EXT1: variants seen among roughly 807,000 people sequenced by gnomAD.
EXT1 encodes exostosin glycosyltransferase 1.
Under a neutral mutation model 82.5 loss-of-function variants are expected in EXT1, and 20 were observed. The observed-to-expected ratio is 0.24, with a 90% CI of 0.17 to 0.35. EXT1 has a LOEUF of 0.35. Among genes scored for constraint, EXT1 ranks in the 10% least tolerant of loss-of-function variants. The probability of loss-of-function intolerance (pLI) is 1.00; values close to 1 mark genes in which losing one functional copy is unlikely to be tolerated. For synonymous variants in EXT1, 348 were observed against 350.8 expected, an observed-to-expected ratio of 0.99 and a Z score of 0.09; for missense variants, 757 against 936.5, an observed-to-expected ratio of 0.81 and a Z score of 2.50.
intron 1 of EXT1, among the ~76,000 whole-genome samples, chr8:117,913,398 A>C (rs540497929): frequency 9.4e-4 from 143 of 152,288 alleles, no homozygotes; most frequent in African/African-American, 3.3e-3. Flanking sequence ...AGTTCAGGGT[A>C]TCTCCTTCTG....
intron 1 of EXT1, among the ~76,000 whole-genome samples, chr8:118,065,361 T>A (rs1217421608): frequency 2.6e-5 from 4 of 152,130 alleles, no homozygotes; most frequent in Admixed American, 6.6e-5. Flanking sequence ...AACAAACAGA[T>A]AACATTTCAG....
rs71307420 is a variant in EXT1, at chr8:118,022,326, C to CTTTTTTT, written c.962+87752_962+87758dup. ...ATACTTGGCCGGGCGCATATATATT[C>CTTTTTTT]TTTTTTTTTTTTTTTTTTTTTTTTT... On this transcript the variant is annotated intron_variant, in intron 1 of 10. Coordinates refer to ENST00000378204, the MANE Select transcript of EXT1 (RefSeq NM_000127.3). 1.4e-3 allele frequency among the ~76,000 whole-genome samples: 65 copies of CTTTTTTT among 46,202 alleles called. 8 individuals carry two copies. Among genetic ancestry groups the CTTTTTTT allele is most frequent in the East Asian group, 5.0e-3 (6 of 1,204 alleles). 30.3% of individuals were successfully genotyped at this position (46,202 alleles called of 152,430 possible).
chr8:118,030,153 C>T (rs1816280586), intron 1 of EXT1, among the ~76,000 whole-genome samples: 1 of 151,890 alleles, frequency 6.6e-6, no homozygotes, highest in African/African-American at 2.4e-5. Context: ...CTCTTTCCAC[C>T]ACCCTCAAAT....
intron 1 of EXT1, among the ~76,000 whole-genome samples, chr8:118,107,158 T>C (rs1225848037): frequency 2.0e-5 from 3 of 152,100 alleles, no homozygotes; most frequent in African/African-American, 7.2e-5. Flanking sequence ...TTGTATATAC[T>C]CTATATTTGT....
chr8:118,111,454 T>C lies in EXT1; in HGVS notation c.-408A>G. On this transcript the variant is annotated 5_prime_UTR_variant, in exon 1 of 11. Coordinates refer to ENST00000378204, the MANE Select transcript of EXT1 (RefSeq NM_000127.3). Reference sequence around the variant, plus strand: ...GCCTCTCGGATTCCTCTCGGCAGCGTGGAAAATGAGCCCCGGGAAGGCAAC... The same window carrying C: ...GCCTCTCGGATTCCTCTCGGCAGCGCGGAAAATGAGCCCCGGGAAGGCAAC... 1.9e-6 allele frequency: 1 copy of C among 530,678 alleles called. No homozygotes were observed. The highest frequency in any genetic ancestry group is 3.3e-6 in the Non-Finnish European group (1 of 303,648). The allele number at this position is 530,678 out of a possible 1,614,324, so 32.9% of individuals were successfully genotyped here.
At chr8:118,065,770 G>C (rs1262364342) in intron 1 of EXT1, among the ~76,000 whole-genome samples, 2 of 152,226 alleles carry the variant, frequency 1.3e-5, no homozygotes, top group African/African-American at 4.8e-5. Flanking sequence ...ATTGGGAAAA[G>C]TTAGGAATGT....
At chr8:117,852,867 G>A (rs1398032700) in intron 1 of EXT1, among the ~76,000 whole-genome samples, 1 of 152,182 alleles carries the variant, frequency 6.6e-6, no homozygotes, top group Admixed American at 6.5e-5. Context: ...GGAATTCACT[G>A]TCTTGCGTAG....
intron 1 of EXT1, among the ~76,000 whole-genome samples, chr8:117,847,871 T>A (rs1812388439): frequency 6.7e-6 from 1 of 149,174 alleles, no homozygotes; most frequent in African/African-American, 2.4e-5. Flanking sequence ...CCCCTGCACT[T>A]AAGTGGTTAT....
chr8:117,867,619 C>G (rs1213759734), intron 1 of EXT1, among the ~76,000 whole-genome samples: 1 of 152,188 alleles, frequency 6.6e-6, no homozygotes, highest in East Asian at 1.9e-4. Flanking sequence ...GAGATGAAAG[C>G]CTTGATAACC....
chr8:118,082,324 C>A (rs1422666982), intron 1 of EXT1, among the ~76,000 whole-genome samples: 1 of 152,296 alleles, frequency 6.6e-6, no homozygotes, highest in East Asian at 1.9e-4. Context: ...AAGAACAATT[C>A]TCATGTAAGT....
intron 1 of EXT1, among the ~76,000 whole-genome samples, chr8:117,865,467 A>G (rs1214433779): frequency 1.2e-4 from 18 of 152,236 alleles, no homozygotes; most frequent in Non-Finnish European, 1.5e-5. Context: ...TTGTGATTAT[A>G]GAGCGAGAAA....
chr8:117,931,525 T>A (rs1586292414), intron 1 of EXT1, among the ~76,000 whole-genome samples: 2 of 132,928 alleles, frequency 1.5e-5, no homozygotes, highest in Non-Finnish European at 3.2e-5. Flanking sequence ...AAGGGGGAGG[T>A]GGGAATAAGA....
chr8:118,033,514 T>A (rs1191345191), intron 1 of EXT1, among the ~76,000 whole-genome samples: 8 of 152,208 alleles, frequency 5.3e-5, no homozygotes, highest in Non-Finnish European at 1.2e-4. Context: ...GGTCTTACTC[T>A]GTTGCCCAAG....
chr8:118,064,564 T>A (rs1359431118), intron 1 of EXT1, among the ~76,000 whole-genome samples: 6 of 152,216 alleles, frequency 3.9e-5, no homozygotes, highest in African/African-American at 1.4e-4. Flanking sequence ...ACATTTTCTT[T>A]ATCCAGTCTA....
At chr8:117,812,313 T>C (rs917731585) in intron 8 of EXT1, among the ~76,000 whole-genome samples, 3 of 152,164 alleles carry the variant, frequency 2.0e-5, no homozygotes, top group Non-Finnish European at 4.4e-5. Flanking sequence ...GCAATCTTAT[T>C]TTTGGCACAA....
At chr8:118,001,146 G>GTGA (rs1815656571) in intron 1 of EXT1, among the ~76,000 whole-genome samples, 1 of 152,062 alleles carries the variant, frequency 6.6e-6, no homozygotes, top group Non-Finnish European at 1.5e-5. Context: ...ATCTTATTTG[G>GTGA]TGATTTTCTC....
intron 1 of EXT1, among the ~76,000 whole-genome samples, chr8:117,965,139 GT>G (rs1221176538): frequency 6.6e-6 from 1 of 151,880 alleles, no homozygotes; most frequent in South Asian, 2.1e-4. Context: ...TTTTTTGTTT[GT>G]TTTTTTAAGT....
At chr8:118,025,694 C>T (rs1816189864) in intron 1 of EXT1, among the ~76,000 whole-genome samples, 1 of 151,950 alleles carries the variant, frequency 6.6e-6, no homozygotes, top group South Asian at 2.1e-4. Flanking sequence ...TCCGGCAAAG[C>T]GGTTTTAGGC....
chr8:118,088,493 TAA>T (rs555973998), intron 1 of EXT1, among the ~76,000 whole-genome samples: 3 of 130,142 alleles, frequency 2.3e-5, no homozygotes, highest in Admixed American at 7.8e-5. Flanking sequence ...TAGTAATGCT[TAA>T]AAAAAAAAAA....
Sources: allele counts gnomAD v4.1 joint callset (sites outside exome capture counted in the v4.1 genomes callset), GRCh38; gene constraint gnomAD v4.1.1; transcripts MANE v1.5; gene names NCBI Gene and HGNC (gene_info 2026-07-23, HGNC 2026-07-21).